The following SCHIP1 variants were observed in gnomAD, a reference collection of about 807,000 sequenced individuals.
The protein encoded by SCHIP1 is schwannomin interacting protein 1, also known as schwannomin-interacting protein 1.
Under a neutral mutation model 29.7 loss-of-function variants are expected in SCHIP1, and 8 were observed. The ratio of observed to expected loss-of-function variants is 0.27; its 90% CI spans 0.16 to 0.49. The LOEUF is 0.49. Among genes scored for constraint, SCHIP1 ranks in the 20% least tolerant of loss-of-function variants. The pLI, the probability that SCHIP1 is intolerant of heterozygous loss-of-function variation, is 0.99. For synonymous variants in SCHIP1, 76 were observed against 94.9 expected (o/e 0.80, Z 1.16); for missense variants, 193 against 294.6 (o/e 0.66, Z 2.52).
the SCHIP1 span, among the ~76,000 whole-genome samples, chr3:159,508,751 G>A: frequency 6.6e-6 from 1 of 152,196 alleles, no homozygotes; most frequent in African/African-American, 2.4e-5. Flanking sequence ...GGAGAAGATT[G>A]TTCAGTTTCC....
chr3:159,416,295 C>A, the SCHIP1 span, among the ~76,000 whole-genome samples: 1 of 152,174 alleles, frequency 6.6e-6, no homozygotes, highest in Non-Finnish European at 1.5e-5. Context: ...GGTCCTGGCT[C>A]CACCTCCATC....
the SCHIP1 span, among the ~76,000 whole-genome samples, chr3:159,641,614 T>C: frequency 1.3e-5 from 2 of 152,052 alleles, no homozygotes; most frequent in African/African-American, 4.8e-5. Context: ...TCAAAGGAAA[T>C]TCAGAAAAAT....
the SCHIP1 span, among the ~76,000 whole-genome samples, chr3:159,535,427 G>A: frequency 1.1e-4 from 17 of 152,188 alleles, no homozygotes; most frequent in African/African-American, 4.1e-4. Flanking sequence ...CTGGCCCAAA[G>A]TGACCCTGAG....
chr3:159,808,985 C>CTT, the SCHIP1 span, among the ~76,000 whole-genome samples: 508 of 138,190 alleles, frequency 3.7e-3, 4 homozygotes, highest in African/African-American at 7.3e-3. Flanking sequence ...TTTTTTCTTT[C>CTT]TTTTTTTTTT....
chr3:159,840,651 G>A (rs946292840), intron 1 of SCHIP1, among the ~76,000 whole-genome samples: 56 of 152,146 alleles, frequency 3.7e-4, no homozygotes, highest in African/African-American at 1.3e-3. Context: ...ATAGATAGTC[G>A]CGATTGATAA....
the SCHIP1 span, among the ~76,000 whole-genome samples, chr3:159,483,993 G>T: frequency 6.6e-6 from 1 of 152,120 alleles, no homozygotes. Flanking sequence ...TCCCTCAAAA[G>T]CCTACAATAT....
the SCHIP1 span, among the ~76,000 whole-genome samples, chr3:159,284,616 G>C: frequency 6.6e-6 from 1 of 152,106 alleles, no homozygotes; most frequent in Non-Finnish European, 1.5e-5. Flanking sequence ...AGCCTTCTGA[G>C]TAGCTGGGAT....
At chr3:159,678,763 G>A in the SCHIP1 span, among the ~76,000 whole-genome samples, 3 of 152,206 alleles carry the variant, frequency 2.0e-5, no homozygotes, top group Non-Finnish European at 2.9e-5. Context: ...ACATGGCCGG[G>A]GAGGCCTCAG....
chr3:159,531,051 C>T, the SCHIP1 span, among the ~76,000 whole-genome samples: 6 of 152,312 alleles, frequency 3.9e-5, no homozygotes, highest in South Asian at 1.2e-3. Context: ...TGTTTGTGGA[C>T]ATATGGCACT....
the SCHIP1 span, among the ~76,000 whole-genome samples, chr3:159,631,356 T>C: frequency 6.6e-6 from 1 of 152,128 alleles, no homozygotes; most frequent in African/African-American, 2.4e-5. Flanking sequence ...CTCAAAAGAA[T>C]TTAAAACAGG....
the SCHIP1 span, among the ~76,000 whole-genome samples, chr3:159,750,902 C>A: frequency 0.27 from 9,638 of 35,414 alleles, 359 homozygotes; most frequent in Middle Eastern, 0.39. Flanking sequence ...TCCAAACAAA[C>A]AAAAAAAAAT....
At chr3:159,735,001 C>T in the SCHIP1 span, among the ~76,000 whole-genome samples, 5 of 152,134 alleles carry the variant, frequency 3.3e-5, no homozygotes. Context: ...AAAGCTCTTC[C>T]TAAAGCAAAC....
At chr3:159,659,841 C>T in the SCHIP1 span, among the ~76,000 whole-genome samples, 1 of 152,000 alleles carries the variant, frequency 6.6e-6, no homozygotes, top group Non-Finnish European at 1.5e-5. Flanking sequence ...AATAAGACAC[C>T]GATTTTTTTC....
the SCHIP1 span, among the ~76,000 whole-genome samples, chr3:159,727,254 C>A: frequency 1.3e-5 from 2 of 152,184 alleles, no homozygotes; most frequent in African/African-American, 4.8e-5. Context: ...CTAATCAACA[C>A]CCAGTCACCT....
chr3:159,491,594 AC>A, the SCHIP1 span, among the ~76,000 whole-genome samples: 1 of 152,336 alleles, frequency 6.6e-6, no homozygotes, highest in East Asian at 1.9e-4. Context: ...GAGTAGTTAA[AC>A]AAAGTGGCCT....
chr3:159,513,686 T>C, the SCHIP1 span, among the ~76,000 whole-genome samples: 1 of 148,702 alleles, frequency 6.7e-6, no homozygotes, highest in Non-Finnish European at 1.5e-5. Context: ...AGAAAGGGGC[T>C]CCAAATTGCT....
the SCHIP1 span, among the ~76,000 whole-genome samples, chr3:159,628,979 T>TA: frequency 7.2e-5 from 11 of 152,028 alleles, no homozygotes; most frequent in South Asian, 2.1e-4. Context: ...AAAGATGAGG[T>TA]AAAAAAAGTG....
the SCHIP1 span, among the ~76,000 whole-genome samples, chr3:159,478,885 T>C: frequency 1.3e-5 from 2 of 152,132 alleles, no homozygotes; most frequent in African/African-American, 4.8e-5. Context: ...ATAGAAATGC[T>C]ACTGAGTTTT....
chr3:159,618,463 C>T, the SCHIP1 span, among the ~76,000 whole-genome samples: 1 of 144,324 alleles, frequency 6.9e-6, no homozygotes, highest in African/African-American at 2.8e-5. Context: ...TATGTATGTA[C>T]ACATTTATGT....
Sources: gnomAD v4.1 joint callset for allele counts (sites outside exome capture counted in the v4.1 genomes callset) on GRCh38, gnomAD v4.1.1 for gene constraint, MANE v1.5 for transcripts, NCBI Gene and HGNC (gene_info 2026-07-23, HGNC 2026-07-21) for gene names.